The following CCDC93 variants were observed in gnomAD, a reference collection of about 807,000 sequenced individuals.
CCDC93 encodes coiled-coil domain-containing protein 93.
Under a neutral mutation model 108.2 loss-of-function variants are expected in CCDC93, and 61 were observed. That is an observed-to-expected ratio of 0.56 (90% CI 0.46 to 0.70). CCDC93 has a LOEUF of 0.70. Ranked by LOEUF, CCDC93 falls within the 30% of genes least tolerant of loss-of-function variation. The pLI is 0.00. For missense variants in CCDC93, 685 were observed against 764.2 expected, an observed-to-expected ratio of 0.90 and a Z score of 1.22; for synonymous variants, 276 against 260.4, an observed-to-expected ratio of 1.06 and a Z score of -0.58.
chr2:117,956,049 GTA>G (rs1227866817), intron 12 of CCDC93, among the ~76,000 whole-genome samples: 6 of 152,186 alleles, frequency 3.9e-5, no homozygotes, highest in Non-Finnish European at 8.8e-5. Flanking sequence ...AATGTGTTTA[GTA>G]TATCTGCACA....
rs533849553 is a variant in CCDC93, at chr2:117,982,946, G to A, written c.620+3023C>T. On this transcript the variant is annotated intron_variant, in intron 7 of 23. Transcript: ENST00000376300. ...AAGGGTAATAAGTGAAGGAGTCCACGGGCTGTTGCCCCCAAATATGGCACC... is the reference window on the plus strand; with the variant it reads ...AAGGGTAATAAGTGAAGGAGTCCACAGGCTGTTGCCCCCAAATATGGCACC... Among the ~76,000 whole-genome samples, 182 of 152,266 alleles carry A rather than the reference G, an allele frequency of 1.2e-3. 1 individual carries two copies. Among genetic ancestry groups the A allele is most frequent in the African/African-American group, 4.1e-3 (172 of 41,550 alleles).
intron 3 of CCDC93, among the ~76,000 whole-genome samples, chr2:118,003,595 C>T (rs1479495109): frequency 6.6e-6 from 1 of 152,118 alleles, no homozygotes; most frequent in Non-Finnish European, 1.5e-5. Context: ...AGCTTAAAAA[C>T]AAGAGGCTGG....
At chr2:117,936,889 A>T in intron 20 of CCDC93, 150 bp from the exon 21 acceptor site, 1 of 663,974 alleles carries the variant, frequency 1.5e-6, no homozygotes, top group Admixed American at 2.5e-5. Flanking sequence ...TATGAAAAAA[A>T]AATTAGCCAC....
chr2:117,960,878 C>T (rs903423532), intron 11 of CCDC93, among the ~76,000 whole-genome samples: 1 of 152,038 alleles, frequency 6.6e-6, no homozygotes, highest in Non-Finnish European at 1.5e-5. Flanking sequence ...TTAATGTGCT[C>T]ATTATAATTT....
intron 11 of CCDC93, among the ~76,000 whole-genome samples, chr2:117,966,691 T>G (rs543062974): frequency 7.2e-5 from 11 of 152,294 alleles, no homozygotes; most frequent in Admixed American, 6.5e-5. Flanking sequence ...TTCCTTTGTG[T>G]TTTTTCATAA....
intron 12 of CCDC93, among the ~76,000 whole-genome samples, chr2:117,957,263 A>T (rs543422515): frequency 2.0e-5 from 3 of 152,362 alleles, no homozygotes; most frequent in African/African-American, 4.8e-5. Flanking sequence ...ACTGAAGCAT[A>T]TAACTTTTTT....
intron 23 of CCDC93, among the ~76,000 whole-genome samples, chr2:117,921,121 G>A (rs557453300): frequency 4.7e-5 from 7 of 149,640 alleles, no homozygotes; most frequent in African/African-American, 1.7e-4. Flanking sequence ...AGCTTGCAGT[G>A]AGCCGAGATT....
intron 11 of CCDC93, among the ~76,000 whole-genome samples, chr2:117,971,076 G>A (rs2104776202): frequency 6.6e-6 from 1 of 152,254 alleles, no homozygotes; most frequent in East Asian, 1.9e-4. Context: ...AAAATAAATG[G>A]GAACGGCCAG....
chr2:117,948,241 T>TCGCAGCTAAAAGCAGGTC (rs1678940384), intron 14 of CCDC93, 55 bp from the exon 15 acceptor site: 3 of 1,359,168 alleles, frequency 2.2e-6, no homozygotes, highest in South Asian at 2.4e-5. Flanking sequence ...ATTTTATGAA[T>TCGCAGCTAAAAGCAGGTC]CGCAGCTAAA....
chr2:117,952,705 A>T (rs1679097501), intron 12 of CCDC93, among the ~76,000 whole-genome samples: 1 of 152,198 alleles, frequency 6.6e-6, no homozygotes, highest in Admixed American at 6.5e-5. Context: ...TATTTTACAG[A>T]TGAGGAAATA....
At chr2:117,944,892 T>C in intron 17 of CCDC93, 1 of 453,724 alleles carries the variant, frequency 2.2e-6, no homozygotes, top group South Asian at 1.6e-5. Context: ...CTTCCTTTCC[T>C]ATCTCTTTCT....
At chr2:117,930,555 G>A (rs1377875056) in intron 23 of CCDC93, 3 of 152,656 alleles carry the variant, frequency 2.0e-5, no homozygotes, top group South Asian at 2.1e-4. Context: ...AGGAAACTGA[G>A]GCTGGGAGGG....
intron 6 of CCDC93, among the ~76,000 whole-genome samples, chr2:117,993,654 G>A (rs1184891342): frequency 3.9e-5 from 6 of 152,172 alleles, no homozygotes; most frequent in African/African-American, 1.4e-4. Context: ...TTAAAACAGG[G>A]GAAAGCAATT....
intron 19 of CCDC93, among the ~76,000 whole-genome samples, chr2:117,940,252 T>A (rs1328394103): frequency 6.6e-6 from 1 of 151,902 alleles, no homozygotes; most frequent in African/African-American, 2.4e-5. Context: ...CATACAAGAG[T>A]AGGAGCCTGG....
At chr2:117,998,587 C>T (rs1319226816) in intron 4 of CCDC93, among the ~76,000 whole-genome samples, 1 of 152,190 alleles carries the variant, frequency 6.6e-6, no homozygotes, top group East Asian at 1.9e-4. Context: ...AACCACTAGC[C>T]TGGGCCCTCC....
At chr2:117,945,299 A>G (rs1678832305) in intron 17 of CCDC93, among the ~76,000 whole-genome samples, 1 of 152,200 alleles carries the variant, frequency 6.6e-6, no homozygotes, top group Non-Finnish European at 1.5e-5. Context: ...GCTTGTACAC[A>G]GAACTGGAAG....
At chr2:117,952,947 A>G (rs1191384877) in intron 12 of CCDC93, among the ~76,000 whole-genome samples, 2 of 152,250 alleles carry the variant, frequency 1.3e-5, no homozygotes, top group Non-Finnish European at 2.9e-5. Context: ...CAACACCAAG[A>G]GAATGAAAAT....
chr2:117,971,796 G>A (rs1679771852), intron 11 of CCDC93, among the ~76,000 whole-genome samples: 2 of 152,246 alleles, frequency 1.3e-5, no homozygotes, highest in Admixed American at 1.3e-4. Flanking sequence ...ATGAAGATCT[G>A]GGAACAAGCA....
chr2:117,967,522 T>C (rs1679626685), intron 11 of CCDC93, among the ~76,000 whole-genome samples: 1 of 152,178 alleles, frequency 6.6e-6, no homozygotes, highest in African/African-American at 2.4e-5. Context: ...AGTTGAATAG[T>C]GGGACAGTCT....
Sources: allele counts gnomAD v4.1 joint callset (sites outside exome capture counted in the v4.1 genomes callset), GRCh38; gene constraint gnomAD v4.1.1; transcripts MANE v1.5; gene names NCBI Gene and HGNC (gene_info 2026-07-23, HGNC 2026-07-21).